PPHLN1: variants seen among roughly 807,000 people sequenced by gnomAD.
PPHLN1 encodes periphilin-1.
PPHLN1 carries 29 observed loss-of-function variants against 51.3 expected under a neutral mutation model. That is an observed-to-expected ratio of 0.57 (90% CI 0.42 to 0.77). The LOEUF (loss-of-function observed/expected upper bound fraction) is 0.77. Among genes scored for constraint, PPHLN1 ranks in the 30% least tolerant of loss-of-function variants. The probability of loss-of-function intolerance (pLI) is 0.00; values close to 1 mark genes in which losing one functional copy is unlikely to be tolerated. For synonymous variants in PPHLN1, 147 were observed against 147.8 expected (o/e 0.99, Z 0.04); for missense variants, 436 against 438.4 (o/e 0.99, Z 0.05).
At chr12:42,352,140 G>T in intron 3 of PPHLN1, 91 bp downstream of exon 3, 1 of 1,170,150 alleles carries the variant, frequency 8.5e-7, no homozygotes, top group Non-Finnish European at 1.1e-6. Flanking sequence ...CGTGAAAGCA[G>T]TTGAATAAAC....
chr12:42,374,013 A>G (rs960134858), intron 4 of PPHLN1, among the ~76,000 whole-genome samples: 1 of 152,152 alleles, frequency 6.6e-6, no homozygotes. Flanking sequence ...GTCCCTACCC[A>G]TCAATGGTAC....
chr12:42,382,097 A>G (rs1040632543), intron 5 of PPHLN1, among the ~76,000 whole-genome samples: 1 of 152,146 alleles, frequency 6.6e-6, no homozygotes, highest in South Asian at 2.1e-4. Context: ...TAGATTTATC[A>G]TTTCTTTTCG....
intron 5 of PPHLN1, among the ~76,000 whole-genome samples, chr12:42,384,485 A>G (rs1273712384): frequency 6.6e-6 from 1 of 152,184 alleles, no homozygotes; most frequent in Non-Finnish European, 1.5e-5. Context: ...GTCCTTTTTT[A>G]ACTGGTAGGG....
At chr12:42,385,428 C>T (rs1357497993) in intron 6 of PPHLN1, among the ~76,000 whole-genome samples, 1 of 152,138 alleles carries the variant, frequency 6.6e-6, no homozygotes, top group East Asian at 1.9e-4. Flanking sequence ...TTCAGTGTTC[C>T]TTTGCTTTTG....
chr12:42,354,183 T>TA (rs1314976629), intron 3 of PPHLN1, among the ~76,000 whole-genome samples: 1 of 152,222 alleles, frequency 6.6e-6, no homozygotes, highest in African/African-American at 2.4e-5. Context: ...GTTTTCCTGA[T>TA]ACGTAATTTG....
intron 6 of PPHLN1, 71 bp from the exon 7 acceptor site, chr12:42,387,385 C>T (rs2077280215): frequency 6.7e-7 from 1 of 1,494,406 alleles, no homozygotes. Flanking sequence ...CACATTAATT[C>T]CATTACAAAA....
At position 42,349,576 on chromosome 12, in the gene PPHLN1, C is replaced by T. The variant is rs1333754934; in HGVS notation, c.73-2309C>T. Among the ~76,000 whole-genome samples, 12 of 152,198 alleles carry T rather than the reference C, an allele frequency of 7.9e-5. No individual in the cohort carries two copies. In the South Asian group the frequency reaches 2.5e-3, roughly 32 times the overall value. Reference sequence around the variant, plus strand: ...GCGGCCTTCCGCAGTGTTTGTGTCCCTGGGTACTTGAGATTAGGGAGTGGT... The same window carrying T: ...GCGGCCTTCCGCAGTGTTTGTGTCCTTGGGTACTTGAGATTAGGGAGTGGT... On this transcript the variant is annotated intron_variant, in intron 2 of 9. Transcript: ENST00000358314.
chr12:42,349,206 T>TA (rs1274599183), intron 2 of PPHLN1, among the ~76,000 whole-genome samples: 1 of 152,222 alleles, frequency 6.6e-6, no homozygotes, highest in African/African-American at 2.4e-5. Context: ...ATTTGCACAG[T>TA]AGTAATGAAT....
chr12:42,381,768 TTTC>T (rs1165075288), intron 5 of PPHLN1, among the ~76,000 whole-genome samples: 1 of 152,122 alleles, frequency 6.6e-6, no homozygotes, highest in East Asian at 1.9e-4. Context: ...AGTAAAAAAT[TTTC>T]TTATCATCTG....
intron 9 of PPHLN1, among the ~76,000 whole-genome samples, chr12:42,408,502 A>G (rs1012731251): frequency 1.3e-5 from 2 of 152,176 alleles, no homozygotes; most frequent in African/African-American, 2.4e-5. Flanking sequence ...TTAACAGAGA[A>G]TTACCAAAGT....
downstream of PPHLN1, chr12:42,442,518 A>T: frequency 1.5e-6 from 2 of 1,347,362 alleles, no homozygotes; most frequent in Non-Finnish European, 2.0e-6. Context: ...GAATAAATAC[A>T]AGCGGCTCCA....
chr12:42,437,123 TG>T (rs530757468), intron 9 of PPHLN1, among the ~76,000 whole-genome samples: 21 of 152,350 alleles, frequency 1.4e-4, no homozygotes, highest in African/African-American at 4.6e-4. Context: ...ATTTATCAGT[TG>T]ATGTCTAAGC....
chr12:42,404,527 C>CACAACAACAACAACAACAACA (rs2079115002), intron 9 of PPHLN1, among the ~76,000 whole-genome samples: 1 of 108,544 alleles, frequency 9.2e-6, no homozygotes, highest in Admixed American at 9.5e-5. Context: ...AAAACTCCGT[C>CACAACAACAACAACAACAACA]TCAACAACAA....
At chr12:42,418,237 T>TTTTTA (rs1555216928) in intron 9 of PPHLN1, among the ~76,000 whole-genome samples, 1 of 115,752 alleles carries the variant, frequency 8.6e-6, no homozygotes, top group East Asian at 2.6e-4. Flanking sequence ...TTTTTTTTTT[T>TTTTTA]AATCAACGCA....
intron 4 of PPHLN1, among the ~76,000 whole-genome samples, chr12:42,365,152 G>T (rs553304748): frequency 1.3e-5 from 2 of 152,130 alleles, no homozygotes; most frequent in Non-Finnish European, 2.9e-5. Context: ...AGCTTAAGTC[G>T]CAGTGTCTGT....
chr12:42,375,165 A>G, intron 5 of PPHLN1, 91 bp downstream of exon 5: 1 of 1,059,538 alleles, frequency 9.4e-7, no homozygotes, highest in Non-Finnish European at 1.3e-6. Context: ...TAAGAGATTT[A>G]TTTTTTAAAC....
intron 9 of PPHLN1, among the ~76,000 whole-genome samples, chr12:42,429,662 CTTG>C (rs1388880128): frequency 1.3e-5 from 2 of 152,184 alleles, no homozygotes; most frequent in Admixed American, 1.3e-4. Flanking sequence ...TTGAACAGAG[CTTG>C]TTGTACTCTG....
chr12:42,435,034 G>T (rs1016068956), intron 9 of PPHLN1, among the ~76,000 whole-genome samples: 5 of 152,072 alleles, frequency 3.3e-5, no homozygotes, highest in African/African-American at 9.7e-5. Flanking sequence ...ATCTGGTTTT[G>T]GCATTAACTA....
At chr12:42,373,849 T>C (rs771129852) in intron 4 of PPHLN1, among the ~76,000 whole-genome samples, 2 of 152,186 alleles carry the variant, frequency 1.3e-5, no homozygotes, top group African/African-American at 4.8e-5. Context: ...GGCAACAATC[T>C]ATGTACTGAG....
Sources: allele counts gnomAD v4.1 joint callset (sites outside exome capture counted in the v4.1 genomes callset), GRCh38; gene constraint gnomAD v4.1.1; transcripts MANE v1.5; gene names NCBI Gene and HGNC (gene_info 2026-07-23, HGNC 2026-07-21).